Variants in ADCK1 observed in about 807,000 individuals in gnomAD.
ADCK1 encodes the protein aarF domain-containing protein kinase 1.
In ADCK1, 41 loss-of-function variants were observed where a neutral mutation model predicts 52.3. That is an observed-to-expected ratio of 0.78 (90% CI 0.61 to 1.02). The LOEUF (loss-of-function observed/expected upper bound fraction) is 1.02. Ranked by LOEUF, ADCK1 falls within the 50% of genes least tolerant of loss-of-function variation. The pLI is 0.00. For missense variants in ADCK1, 658 were observed against 679.5 expected, an observed-to-expected ratio of 0.97 and a Z score of 0.35; for synonymous variants, 250 against 274.6, an observed-to-expected ratio of 0.91 and a Z score of 0.89.
At chr14:77,879,418 A>G (rs1400227685) in intron 4 of ADCK1, among the ~76,000 whole-genome samples, 1 of 152,198 alleles carries the variant, frequency 6.6e-6, no homozygotes, top group African/African-American at 2.4e-5. Context: ...GTGATTGTTC[A>G]GCTGTGATTG....
At chr14:77,913,667 G>A (rs1310505103) in intron 7 of ADCK1, among the ~76,000 whole-genome samples, 1 of 152,234 alleles carries the variant, frequency 6.6e-6, no homozygotes, top group East Asian at 1.9e-4. Context: ...TCCTGCCGAG[G>A]CTGAGGTTCA....
At chr14:77,815,664 G>A (rs1372134392) in intron 1 of ADCK1, among the ~76,000 whole-genome samples, 5 of 151,346 alleles carry the variant, frequency 3.3e-5, no homozygotes, top group Admixed American at 2.6e-4. Flanking sequence ...GACTACAGGT[G>A]CACACCACCA....
chr14:77,915,066 A>G (rs2083886638), intron 7 of ADCK1, among the ~76,000 whole-genome samples: 1 of 152,202 alleles, frequency 6.6e-6, no homozygotes, highest in Admixed American at 6.5e-5. Flanking sequence ...GCTGTCTGGT[A>G]GAAGATGCCC....
At chr14:77,926,173 G>A (rs1342390886) in intron 9 of ADCK1, among the ~76,000 whole-genome samples, 1 of 152,116 alleles carries the variant, frequency 6.6e-6, no homozygotes, top group East Asian at 1.9e-4. Context: ...GATACCTCCC[G>A]AGCTCCCCTC....
chr14:77,903,154 T>C (rs534807718), intron 6 of ADCK1, among the ~76,000 whole-genome samples: 77 of 152,340 alleles, frequency 5.1e-4, no homozygotes, highest in African/African-American at 1.8e-3. Context: ...GGGTAAATAA[T>C]GAATATACCA....
intron 3 of ADCK1, chr14:77,827,800 C>T: frequency 4.9e-6 from 2 of 406,008 alleles, no homozygotes. Context: ...CACTGCCAAG[C>T]ACCTCTGCTT....
chr14:77,930,626 C>G lies in ADCK1; in HGVS notation c.1207-892C>G, dbSNP rs183478606. On this transcript the variant is annotated intron_variant, in intron 9 of 10. Transcript: ENST00000238561. ...TGCCTGGGTTCACGTCCCATCTCAC[C>G]ACTTACTAGCACTTAACTTCTCAAT... 5.9e-4 allele frequency among the ~76,000 whole-genome samples: 90 copies of G among 152,272 alleles called. 1 individual carries two copies. In the South Asian group the frequency reaches 6.0e-3, roughly 10 times the overall value.
At chr14:77,856,458 A>T (rs1221156909) in intron 3 of ADCK1, among the ~76,000 whole-genome samples, 1 of 151,698 alleles carries the variant, frequency 6.6e-6, no homozygotes, top group African/African-American at 2.4e-5. Flanking sequence ...ACACTTACAC[A>T]CCCCTAAGCC....
Position 77,867,381 on chromosome 14 carries a change from C to T in ADCK1, c.423+8102C>T, listed in dbSNP as rs986540824. Among the ~76,000 whole-genome samples, 55 of 152,148 alleles carry T rather than the reference C, an allele frequency of 3.6e-4. 1 individual carries two copies. Among genetic ancestry groups the T allele is most frequent in the Non-Finnish European group, 8.8e-5 (6 of 68,024 alleles). On this transcript the variant is annotated intron_variant, in intron 4 of 10. Transcript: ENST00000238561. ...AGGACTAGGGGCCAGGGAGTGGGATCGCCTCCTCCCAGCTGGGCCTCATCC... is the reference window on the plus strand; with the variant it reads ...AGGACTAGGGGCCAGGGAGTGGGATTGCCTCCTCCCAGCTGGGCCTCATCC...
chr14:77,856,232 T>C (rs970599484), intron 3 of ADCK1, among the ~76,000 whole-genome samples: 2 of 151,966 alleles, frequency 1.3e-5, no homozygotes, highest in Non-Finnish European at 2.9e-5. Context: ...ATTTGGGAAA[T>C]ACAGAAAAAC....
chr14:77,826,845 A>G (rs1261328720), intron 3 of ADCK1, among the ~76,000 whole-genome samples: 1 of 152,168 alleles, frequency 6.6e-6, no homozygotes, highest in Non-Finnish European at 1.5e-5. Flanking sequence ...CCAGGTGATC[A>G]GCGGAGTCTA....
intron 5 of ADCK1, among the ~76,000 whole-genome samples, chr14:77,893,412 A>G (rs1004830623): frequency 3.3e-5 from 5 of 152,088 alleles, no homozygotes; most frequent in Non-Finnish European, 7.3e-5. Context: ...CATAATCTCC[A>G]GGTCCTAATC....
chr14:77,854,307 G>C (rs113551034), intron 3 of ADCK1, among the ~76,000 whole-genome samples: 3,080 of 152,246 alleles, frequency 0.02, 98 homozygotes, highest in African/African-American at 0.07. Flanking sequence ...TAATCAGCAA[G>C]CTCCAGTAAG....
intron 4 of ADCK1, among the ~76,000 whole-genome samples, chr14:77,885,348 C>A (rs2083124836): frequency 6.6e-6 from 1 of 152,306 alleles, no homozygotes; most frequent in African/African-American, 2.4e-5. Context: ...GGGAGAGACA[C>A]AAATAACAAA....
At chr14:77,922,749 C>A (rs78202742) in intron 7 of ADCK1, among the ~76,000 whole-genome samples, 4 of 152,306 alleles carry the variant, frequency 2.6e-5, no homozygotes, top group African/African-American at 4.8e-5. Context: ...CTTGATGAAT[C>A]AGTTTCACAT....
chr14:77,898,362 C>T (rs941781585), intron 5 of ADCK1, among the ~76,000 whole-genome samples: 5 of 152,210 alleles, frequency 3.3e-5, no homozygotes, highest in South Asian at 2.1e-4. Context: ...GTTTACTATT[C>T]GCAGTAGCAA....
chr14:77,932,471 G>A (rs191313960), intron 10 of ADCK1, among the ~76,000 whole-genome samples: 3 of 152,124 alleles, frequency 2.0e-5, no homozygotes, highest in South Asian at 2.1e-4. Context: ...TGACAAATAC[G>A]TCGGAAGGGC....
Position 77,931,590 on chromosome 14 carries a change from C to T in ADCK1, c.1279C>T (p.Gln427Ter). Residue 427 changes from glutamine (Q) to a stop codon, truncating the protein, a stop_gained, in exon 10 of 11, where the codon CAG becomes TAG. Transcript: ENST00000238561. LOFTEE classifies it high-confidence loss of function. ...CCATCTCCTCAACCACGTGCCGCGC[C>T]AGATGCTGCTCATCTTGAAGACCAA... The part of the protein sequence containing the change: ...ISHLLNHVPR[Q>*]MLLILKTNDL... 2 of 1,613,990 alleles carry T rather than the reference C, an allele frequency of 1.2e-6. No homozygotes were observed. Among genetic ancestry groups the T allele is most frequent in the Non-Finnish European group, 1.7e-6 (2 of 1,180,044 alleles).
chr14:77,847,213 G>C (rs1318514671), intron 3 of ADCK1, among the ~76,000 whole-genome samples: 2 of 152,142 alleles, frequency 1.3e-5, no homozygotes, highest in African/African-American at 4.8e-5. Flanking sequence ...GAGTGAGGTG[G>C]GGAGTGTAAG....
Sources: gnomAD v4.1 joint callset for allele counts (sites outside exome capture counted in the v4.1 genomes callset) on GRCh38, gnomAD v4.1.1 for gene constraint, MANE v1.5 for transcripts, NCBI Gene and HGNC (gene_info 2026-07-23, HGNC 2026-07-21) for gene names.